The following FGGY variants were observed in gnomAD, a reference collection of about 807,000 sequenced individuals.
FGGY encodes the protein FGGY carbohydrate kinase domain-containing protein.
In FGGY, 72 loss-of-function variants were observed where a neutral mutation model predicts 71.3. The ratio of observed to expected loss-of-function variants is 1.01; its 90% CI spans 0.84 to 1.23. The LOEUF is 1.23. FGGY is among the 50% of genes most tolerant of loss of function. FGGY has a pLI of 0.00. For missense variants in FGGY, 668 were observed against 682.3 expected (o/e 0.98, Z 0.23); for synonymous variants, 251 against 250.3 (o/e 1.00, Z -0.02).
At chr1:59,380,192 T>C (rs931569781) in intron 5 of FGGY, among the ~76,000 whole-genome samples, 1 of 151,626 alleles carries the variant, frequency 6.6e-6, no homozygotes, top group East Asian at 1.9e-4. Flanking sequence ...ATCCAGTCTA[T>C]CATTCATGGA....
At chr1:59,614,986 A>C (rs1291247728) in intron 9 of FGGY, among the ~76,000 whole-genome samples, 1 of 152,228 alleles carries the variant, frequency 6.6e-6, no homozygotes, top group Non-Finnish European at 1.5e-5. Flanking sequence ...ACCACTGCTC[A>C]ATGAAATAAA....
chr1:59,542,588 C>T lies in FGGY; in HGVS notation c.800-11536C>T, dbSNP rs568206810. 2.0e-5 allele frequency among the ~76,000 whole-genome samples: 3 copies of T among 150,664 alleles called. No individual in the cohort carries two copies. The East Asian group carries it at 5.9e-4, about 30-fold the overall frequency. ...ATTTCTGTCTCAGCGTCCCGAGTACCTGGGATTACAGGCATGCACCACCAC... is the reference window on the plus strand; with the variant it reads ...ATTTCTGTCTCAGCGTCCCGAGTACTTGGGATTACAGGCATGCACCACCAC... On this transcript the variant is annotated intron_variant, in intron 7 of 15. Coordinates refer to ENST00000303721, the MANE Select transcript of FGGY (RefSeq NM_018291.5).
chr1:59,727,480 T>C (rs746431294), intron 14 of FGGY, among the ~76,000 whole-genome samples: 6 of 152,150 alleles, frequency 3.9e-5, no homozygotes, highest in Admixed American at 2.0e-4. Flanking sequence ...TAAAATGAAT[T>C]ACCTAGGAAT....
chr1:59,467,497 TAA>T (rs5774464), intron 6 of FGGY, among the ~76,000 whole-genome samples: 4 of 148,972 alleles, frequency 2.7e-5, no homozygotes, highest in African/African-American at 9.8e-5. Context: ...TAAAGTATAA[TAA>T]AAAAAAAACA....
At chr1:59,680,617 AT>A (rs1288289936) in intron 14 of FGGY, 2 of 152,094 alleles carry the variant, frequency 1.3e-5, no homozygotes, top group Non-Finnish European at 2.9e-5. Flanking sequence ...GAAAATTGTA[AT>A]TTTTTAAGGA....
chr1:59,343,117 T>C (rs1255325565), intron 3 of FGGY, among the ~76,000 whole-genome samples: 1 of 152,120 alleles, frequency 6.6e-6, no homozygotes, highest in African/African-American at 2.4e-5. Context: ...TATGACCTAG[T>C]CTCCTCTGTG....
chr1:59,346,349 G>C lies in FGGY; in HGVS notation c.416G>C (p.Gly139Ala). Residue 139 changes from glycine (G) to alanine (A), a missense_variant, in exon 4 of 16, where the codon GGG becomes GCG. Coordinates refer to ENST00000303721, the MANE Select transcript of FGGY (RefSeq NM_018291.5). ...CACAGTGTCCTCCAGTACGTCGGGG[G>C]GGTGATGTCTGTGGAAATGCAGGCC... ...TKHSVLQYVG[G>A]VMSVEMQAPK... 2 of 1,611,880 alleles carry C rather than the reference G, an allele frequency of 1.2e-6. No individual in the cohort carries two copies. The highest frequency in any genetic ancestry group is 1.7e-6 in the Non-Finnish European group (2 of 1,179,642).
At chr1:59,472,457 C>T (rs1265335286) in intron 6 of FGGY, among the ~76,000 whole-genome samples, 1 of 152,238 alleles carries the variant, frequency 6.6e-6, no homozygotes, top group Non-Finnish European at 1.5e-5. Context: ...CACCCAAGGG[C>T]TGAGGAATGC....
chr1:59,522,321 T>C (rs1243267559), intron 7 of FGGY, among the ~76,000 whole-genome samples: 6 of 152,232 alleles, frequency 3.9e-5, no homozygotes, highest in Admixed American at 3.3e-4. Flanking sequence ...CGTTAGCCCA[T>C]ACTTACACCA....
chr1:59,655,884 T>C (rs2097213703), intron 11 of FGGY, among the ~76,000 whole-genome samples: 1 of 152,236 alleles, frequency 6.6e-6, no homozygotes, highest in Non-Finnish European at 1.5e-5. Flanking sequence ...GTCATGCAGC[T>C]AAATTAGAGA....
chr1:59,622,985 AG>A (rs761187171), intron 9 of FGGY, among the ~76,000 whole-genome samples: 4 of 152,158 alleles, frequency 2.6e-5, no homozygotes, highest in Non-Finnish European at 5.9e-5. Flanking sequence ...TAGAGATGTC[AG>A]CATTGCTCTA....
At chr1:59,560,497 A>T (rs1360323309) in intron 8 of FGGY, among the ~76,000 whole-genome samples, 1 of 152,258 alleles carries the variant, frequency 6.6e-6, no homozygotes, top group East Asian at 1.9e-4. Flanking sequence ...ATACTTGACA[A>T]GATAGTAATG....
intron 5 of FGGY, among the ~76,000 whole-genome samples, chr1:59,418,139 G>C (rs189556922): frequency 1.3e-4 from 20 of 152,088 alleles, no homozygotes; most frequent in Non-Finnish European, 2.5e-4. Flanking sequence ...CAGACTCAGT[G>C]TATAACTCCT....
At position 59,385,525 on chromosome 1, in the gene FGGY, G is replaced by A. The variant is rs141256270; in HGVS notation, c.554+6688G>A. Among the ~76,000 whole-genome samples, 693 of 152,252 alleles carry A rather than the reference G, an allele frequency of 4.6e-3. 5 individuals are homozygous for A. Among genetic ancestry groups the A allele is most frequent in the African/African-American group, 0.015 (619 of 41,550 alleles). ...CTGAAGCAGAATGCTTTAGTAATTT[G>A]CCACATTCTTGCTATTAAGTGGGTT... is the stretch of plus-strand genomic sequence containing the variant. On this transcript the variant is annotated intron_variant, in intron 5 of 15. Coordinates refer to ENST00000303721, the MANE Select transcript of FGGY (RefSeq NM_018291.5).
chr1:59,513,068 G>A (rs1047905682), intron 7 of FGGY, among the ~76,000 whole-genome samples: 1 of 152,206 alleles, frequency 6.6e-6, no homozygotes, highest in Non-Finnish European at 1.5e-5. Context: ...AAAGAATGAT[G>A]ACTTCCTCAT....
At chr1:59,318,921 G>A (rs2045920398) in intron 1 of FGGY, among the ~76,000 whole-genome samples, 1 of 152,228 alleles carries the variant, frequency 6.6e-6, no homozygotes, top group Non-Finnish European at 1.5e-5. Context: ...GTAAGCAGCT[G>A]TGAGAGGTTG....
chr1:59,485,723 T>C (rs922303907), intron 6 of FGGY, among the ~76,000 whole-genome samples: 1 of 152,200 alleles, frequency 6.6e-6, no homozygotes, highest in East Asian at 1.9e-4. Flanking sequence ...GCTATCATTA[T>C]TGAGCACCTA....
intron 6 of FGGY, among the ~76,000 whole-genome samples, chr1:59,479,010 C>T (rs928643012): frequency 6.6e-6 from 1 of 152,214 alleles, no homozygotes; most frequent in African/African-American, 2.4e-5. Context: ...AGATAAAAGT[C>T]GTACAGCAGC....
intron 2 of FGGY, among the ~76,000 whole-genome samples, chr1:59,324,948 G>A (rs1419121655): frequency 2.0e-5 from 3 of 152,172 alleles, no homozygotes; most frequent in Non-Finnish European, 2.9e-5. Context: ...TTTGCTTGTA[G>A]TGTGTTCAAT....
Sources: gnomAD v4.1 joint callset for allele counts (sites outside exome capture counted in the v4.1 genomes callset) on GRCh38, gnomAD v4.1.1 for gene constraint, MANE v1.5 for transcripts, NCBI Gene and HGNC (gene_info 2026-07-23, HGNC 2026-07-21) for gene names.